BMP1: variants seen among roughly 807,000 people sequenced by gnomAD.
BMP1 encodes the protein mammalian tolloid protein.
A neutral mutation model predicts 116.8 loss-of-function variants in BMP1; 63 were observed. The ratio of observed to expected loss-of-function variants is 0.54; its 90% CI spans 0.44 to 0.67. The LOEUF is 0.67. Among genes scored for constraint, BMP1 ranks in the 30% least tolerant of loss-of-function variants. The pLI, the probability that BMP1 is intolerant of heterozygous loss-of-function variation, is 0.00. For synonymous variants in BMP1, 536 were observed against 533.4 expected (o/e 1.00, Z -0.07); for missense variants, 1,183 against 1,358.9 (o/e 0.87, Z 2.04).
chr8:22,186,274 A>T (rs958672890), intron 8 of BMP1, among the ~76,000 whole-genome samples: 5 of 152,142 alleles, frequency 3.3e-5, no homozygotes, highest in African/African-American at 9.7e-5. Flanking sequence ...TGAGGATGAA[A>T]ATGGACACTT....
intron 8 of BMP1, among the ~76,000 whole-genome samples, chr8:22,184,583 C>A (rs1048142654): frequency 3.9e-5 from 6 of 152,208 alleles, no homozygotes; most frequent in African/African-American, 9.7e-5. Flanking sequence ...ATTGAAAGGG[C>A]CTGCAGAGCC....
At position 22,177,108 on chromosome 8, in the gene BMP1, C is replaced by G; in HGVS notation, c.699C>G (p.His233Gln). The G allele has an allele frequency of 6.2e-7, 1 of 1,610,048 alleles. No homozygotes were observed. The highest frequency in any genetic ancestry group is 8.5e-7 in the Non-Finnish European group (1 of 1,177,710). The change falls in exon 5 of 20, where the codon CAC becomes CAG. Residue 233 changes from histidine (H) to glutamine (Q), a missense_variant. Physicochemically the swap from His to Gln is conservative, Grantham distance 24 (BLOSUM62 0). This residue lies in a region of BMP1 where 956 missense variants were observed against 1,135.2 expected (regional missense o/e 0.84). Coordinates refer to ENST00000306385, the MANE Select transcript of BMP1 (RefSeq NM_006129.5). ...HEHTRPDRDR[H>Q]VSIVRENIQP... ...ACACTCGGCCAGACCGGGACCGCCACGTTTCCATCGTTCGTGAGAACATCC... is the reference window on the plus strand; with the variant it reads ...ACACTCGGCCAGACCGGGACCGCCAGGTTTCCATCGTTCGTGAGAACATCC...
chr8:22,173,101 T>C (rs1828329007), intron 1 of BMP1, among the ~76,000 whole-genome samples: 1 of 152,212 alleles, frequency 6.6e-6, no homozygotes, highest in African/African-American at 2.4e-5. Flanking sequence ...GGGCCTCTTC[T>C]GTCTTGCTAA....
At chr8:22,185,094 C>G (rs772808796) in intron 8 of BMP1, among the ~76,000 whole-genome samples, 1 of 152,134 alleles carries the variant, frequency 6.6e-6, no homozygotes, top group Non-Finnish European at 1.5e-5. Context: ...GCAGCTGGCG[C>G]GGAGAGGACT....
Position 22,195,563 on chromosome 8 carries a change from G to A in BMP1, c.1741G>A (p.Ala581Thr). ...CAGCTGTGACCCCGGGTACGAGCTG[G>A]CCCCAGACAAGCGCCGCTGTGAGGG... ...KCSCDPGYEL[A>T]PDKRRCEAAC... The change falls in exon 13 of 20, where the codon GCC (alanine) becomes ACC (threonine). Residue 581 changes from alanine to threonine, a missense_variant. Ala to Thr is a moderately conservative substitution (Grantham distance 58). Around this residue, in one of 4 missense-constraint regions of BMP1, gnomAD observed 956 missense variants for 1,135.2 expected, o/e 0.84. Transcript: ENST00000306385. 2 of 1,612,296 alleles carry A rather than the reference G, an allele frequency of 1.2e-6. No individual in the cohort carries two copies. The highest frequency in any genetic ancestry group is 1.7e-6 in the Non-Finnish European group (2 of 1,179,702).
intron 19 of BMP1, among the ~76,000 whole-genome samples, chr8:22,210,082 A>G (rs1433048616): frequency 6.6e-6 from 1 of 152,270 alleles, no homozygotes; most frequent in Non-Finnish European, 1.5e-5. Context: ...AGCCGGGGAC[A>G]GGGCGCCTGA....
chr8:22,196,394 C>G, intron 13 of BMP1: 1 of 593,160 alleles, frequency 1.7e-6, no homozygotes. Flanking sequence ...CTTATTCCCG[C>G]TCACTCCCTC....
At chr8:22,182,837 T>C (rs1382307550) in intron 8 of BMP1, among the ~76,000 whole-genome samples, 1 of 152,256 alleles carries the variant, frequency 6.6e-6, no homozygotes, top group African/African-American at 2.4e-5. Context: ...TTACACATGC[T>C]AATCACATCT....
intron 8 of BMP1, among the ~76,000 whole-genome samples, chr8:22,187,841 T>C (rs1482069309): frequency 3.9e-5 from 6 of 152,176 alleles, no homozygotes; most frequent in Non-Finnish European, 8.8e-5. Flanking sequence ...TTTACACGTA[T>C]ATGAATTGAA....
chr8:22,210,050 G>A (rs1829433828), intron 19 of BMP1, among the ~76,000 whole-genome samples: 1 of 152,278 alleles, frequency 6.6e-6, no homozygotes, highest in African/African-American at 2.4e-5. Context: ...GGCCTGGAAT[G>A]GGGGGCAGAG....
chr8:22,173,605 C>T lies in BMP1; in HGVS notation c.152C>T (p.Ala51Val), dbSNP rs1452956915. ...LNYKDPCKAAAFLGDIALDEE... is the reference protein window; with the variant it reads ...LNYKDPCKAAVFLGDIALDEE... ...TGGCTTCTTCTTTTCTCTTTAGCTG[C>T]CTTTCTTGGGGACATTGCCCTGGAC... Residue 51 changes from alanine to valine, a missense_variant, in exon 2 of 20, where the codon GCC becomes GTC. Physicochemically the swap from Ala to Val is moderately conservative, Grantham distance 64. Around this residue, in one of 4 missense-constraint regions of BMP1, gnomAD observed 185 missense variants for 158.9 expected, o/e 1.16. Coordinates refer to ENST00000306385, the MANE Select transcript of BMP1 (RefSeq NM_006129.5). 1.2e-6 allele frequency: 2 copies of T among 1,608,768 alleles called. No individual in the cohort carries two copies. The highest frequency in any genetic ancestry group is 1.7e-4 in the Middle Eastern group (1 of 5,946).
chr8:22,210,853 GAAGGA>G (rs1235473143), intron 19 of BMP1, among the ~76,000 whole-genome samples: 3 of 152,232 alleles, frequency 2.0e-5, no homozygotes, highest in Admixed American at 1.3e-4. Flanking sequence ...GAGTTGACCG[GAAGGA>G]ACTTGGGGAA....
intron 15 of BMP1, 50 bp downstream of exon 15, chr8:22,197,470 G>A: frequency 6.4e-7 from 1 of 1,558,616 alleles, no homozygotes; most frequent in Non-Finnish European, 8.8e-7. Flanking sequence ...CGGAGAACAG[G>A]GCTCCCTTTC....
intron 8 of BMP1, among the ~76,000 whole-genome samples, chr8:22,185,462 G>C (rs1828741099): frequency 6.6e-6 from 1 of 150,698 alleles, no homozygotes; most frequent in Admixed American, 6.6e-5. Context: ...TCTCAAAAAA[G>C]GAAAAAATAA....
intron 8 of BMP1, among the ~76,000 whole-genome samples, chr8:22,190,422 G>A (rs1828897950): frequency 6.6e-6 from 1 of 152,142 alleles, no homozygotes; most frequent in Admixed American, 6.6e-5. Context: ...CATTGCCCTG[G>A]GTGCAGTGGG....
chr8:22,207,062 G>C (rs1829373998), intron 17 of BMP1, 81 bp downstream of exon 17: 2 of 1,569,604 alleles, frequency 1.3e-6, no homozygotes, highest in Admixed American at 1.8e-5. Context: ...CAGGCTGCAG[G>C]CTGAGCCCAG....
At position 22,179,430 on chromosome 8, in the gene BMP1, G is replaced by A. The variant is rs956061062; in HGVS notation, c.837-275G>A. Among the ~76,000 whole-genome samples, 3 of 152,196 alleles carry A rather than the reference G, an allele frequency of 2.0e-5. No individual in the cohort carries two copies. Among genetic ancestry groups the A allele is most frequent in the Non-Finnish European group, 4.4e-5 (3 of 68,020 alleles). ...TGGCCAGCCTGAGCTGGGAGCACCA[G>A]TGGGTCCAAGGGCACCCTGGACCTG... On this transcript the variant is annotated intron_variant, in intron 6 of 19. Transcript: ENST00000306385. This position sits in a 1 kb window ranked among gnomAD's most constrained non-coding sequence, Gnocchi z 4.6.
chr8:22,194,500 C>T lies in BMP1; in HGVS notation c.1353C>T (p.Tyr451=), dbSNP rs201433117. 8 of 1,614,204 alleles carry T rather than the reference C, an allele frequency of 5.0e-6. No individual in the cohort carries two copies. Among genetic ancestry groups the T allele is most frequent in the South Asian group, 1.1e-5 (1 of 91,074 alleles). ...ATGGCCACATTCAATCGCCCAACTA[C>T]CCAGACGATTACCGGCCCAGCAAAG... ...KDYGHIQSPN[Y]PDDYRPSKVC... The change falls in exon 11 of 20, where the codon TAC becomes TAT. Residue 451 remains tyrosine, a synonymous_variant. Transcript: ENST00000306385. This position sits in a 1 kb window ranked among gnomAD's most constrained non-coding sequence, Gnocchi z 4.5.
chr8:22,202,029 C>A, intron 16 of BMP1, 101 bp downstream of exon 16: 1 of 1,461,394 alleles, frequency 6.8e-7, no homozygotes, highest in Admixed American at 2.4e-5. Flanking sequence ...GATTCTGGGG[C>A]CTGTATGATC....
Sources: gnomAD v4.1 joint callset for allele counts (sites outside exome capture counted in the v4.1 genomes callset) on GRCh38, gnomAD v4.1.1 for gene constraint, gnomAD v4.1.1 regional missense constraint, Gnocchi (gnomAD v3.1) non-coding constraint, MANE v1.5 for transcripts, NCBI Gene and HGNC (gene_info 2026-07-23, HGNC 2026-07-21) for gene names.